Variants in LRP1B observed in about 807,000 individuals in gnomAD.
LRP1B encodes the protein low-density lipoprotein receptor-related protein 1B.
A neutral mutation model predicts 556.6 loss-of-function variants in LRP1B; 217 were observed. The observed-to-expected ratio is 0.39, with a 90% CI of 0.35 to 0.44. The LOEUF (loss-of-function observed/expected upper bound fraction) is 0.44. Among genes scored for constraint, LRP1B ranks in the 20% least tolerant of loss-of-function variants. The pLI is 1.00. For synonymous variants in LRP1B, 2,047 were observed against 1,865.8 expected (o/e 1.10, Z -2.50); for missense variants, 5,053 against 5,620.8 (o/e 0.90, Z 3.23).
chr2:141,130,226 A>G (rs1574105154), intron 7 of LRP1B, among the ~76,000 whole-genome samples: 2 of 151,956 alleles, frequency 1.3e-5, no homozygotes, highest in Middle Eastern at 3.4e-3. Context: ...CATAACACAT[A>G]TAACAAATAG....
chr2:140,533,536 ACT>A (rs1690814235), intron 47 of LRP1B, among the ~76,000 whole-genome samples: 1 of 152,066 alleles, frequency 6.6e-6, no homozygotes, highest in East Asian at 1.9e-4. Context: ...GTAAAGGCAT[ACT>A]CTGTTAGCCC....
intron 31 of LRP1B, among the ~76,000 whole-genome samples, chr2:140,820,030 C>T (rs1438939739): frequency 2.0e-5 from 3 of 152,158 alleles, no homozygotes; most frequent in Non-Finnish European, 2.9e-5. Flanking sequence ...GACAGAGTCT[C>T]GCTCTGTCGC....
intron 41 of LRP1B, among the ~76,000 whole-genome samples, chr2:140,669,282 G>C (rs1226421752): frequency 6.6e-6 from 1 of 152,044 alleles, no homozygotes; most frequent in Admixed American, 6.6e-5. Context: ...AAACCAAAAA[G>C]TGTTATTATT....
At chr2:141,663,854 T>C (rs901984150) in intron 2 of LRP1B, among the ~76,000 whole-genome samples, 2 of 150,732 alleles carry the variant, frequency 1.3e-5, no homozygotes, top group African/African-American at 4.9e-5. Flanking sequence ...AATAATGAAA[T>C]TAAGACAGAT....
intron 15 of LRP1B, among the ~76,000 whole-genome samples, chr2:140,994,842 A>C (rs1167459543): frequency 6.6e-6 from 1 of 152,098 alleles, no homozygotes; most frequent in Non-Finnish European, 1.5e-5. Flanking sequence ...CTACAATAAC[A>C]AAATGTTGTC....
chr2:141,333,013 T>C (rs1359706320), intron 3 of LRP1B, among the ~76,000 whole-genome samples: 2 of 152,064 alleles, frequency 1.3e-5, no homozygotes, highest in African/African-American at 4.8e-5. Flanking sequence ...TCTTCACTTT[T>C]TTAAAATCTT....
intron 3 of LRP1B, among the ~76,000 whole-genome samples, chr2:141,386,476 G>A (rs1361820546): frequency 2.0e-5 from 3 of 151,994 alleles, no homozygotes; most frequent in South Asian, 4.1e-4. Flanking sequence ...CCATAGAAGA[G>A]TCACTTTATA....
intron 84 of LRP1B, among the ~76,000 whole-genome samples, chr2:140,284,004 G>A (rs527328123): frequency 1.3e-5 from 2 of 151,620 alleles, no homozygotes; most frequent in African/African-American, 4.8e-5. Flanking sequence ...AGCATATGAA[G>A]GCCTGAAAAA....
intron 3 of LRP1B, among the ~76,000 whole-genome samples, chr2:141,425,633 C>A (rs1369010832): frequency 3.3e-5 from 5 of 149,864 alleles, no homozygotes; most frequent in African/African-American, 4.9e-5. Context: ...GAGATGGTAT[C>A]TCACTGTGGT....
At chr2:142,024,620 G>GTTTTTTTTTTTTTT (rs3041443) in intron 1 of LRP1B, among the ~76,000 whole-genome samples, 5 of 131,026 alleles carry the variant, frequency 3.8e-5, no homozygotes, top group African/African-American at 8.6e-5. Flanking sequence ...CAGCTGAAAT[G>GTTTTTTTTTTTTTT]TTTTTTTTTT....
intron 1 of LRP1B, among the ~76,000 whole-genome samples, chr2:141,888,969 A>C (rs1321265007): frequency 2.6e-5 from 4 of 152,168 alleles, no homozygotes; most frequent in Non-Finnish European, 1.5e-5. Flanking sequence ...GAAATTTAAA[A>C]ATTTATAATA....
intron 1 of LRP1B, among the ~76,000 whole-genome samples, chr2:142,122,342 G>A (rs1159341795): frequency 6.6e-6 from 1 of 152,082 alleles, no homozygotes; most frequent in Non-Finnish European, 1.5e-5. Context: ...CTAGGAGAAG[G>A]AACTGTAGAA....
intron 41 of LRP1B, among the ~76,000 whole-genome samples, chr2:140,689,564 A>T (rs1002924693): frequency 2.0e-5 from 3 of 152,182 alleles, no homozygotes; most frequent in Non-Finnish European, 4.4e-5. Flanking sequence ...AAGAATTAGG[A>T]ACCTCAGTAT....
chr2:141,512,252 G>A (rs1182923682), intron 2 of LRP1B, among the ~76,000 whole-genome samples: 1 of 152,076 alleles, frequency 6.6e-6, no homozygotes, highest in Non-Finnish European at 1.5e-5. Flanking sequence ...ACAGTTCGGG[G>A]GAGGTGAGTA....
chr2:140,409,677 ATCT>A (rs200369733), intron 66 of LRP1B, among the ~76,000 whole-genome samples: 3,097 of 152,146 alleles, frequency 0.02, 36 homozygotes, highest in African/African-American at 0.028. Context: ...GATTCATGTA[ATCT>A]TCTCAGCAAT....
Position 141,178,809 on chromosome 2 carries a change from T to G in LRP1B, c.1013+9612A>C, listed in dbSNP as rs142476286. Among the ~76,000 whole-genome samples, 186 of 151,648 alleles carry G rather than the reference T, an allele frequency of 1.2e-3. 2 individuals carry two copies. The highest frequency in any genetic ancestry group is 3.9e-3 in the African/African-American group (161 of 41,414). On this transcript the variant is annotated intron_variant, in intron 7 of 90. Coordinates refer to ENST00000389484, the MANE Select transcript of LRP1B (RefSeq NM_018557.3). ...CAGAGTATTCCAAGGCCCTATGAGA[T>G]TCTACAGCTATAAAATGAAAGGAAC...
chr2:141,170,319 G>T (rs1680448423), intron 7 of LRP1B, among the ~76,000 whole-genome samples: 1 of 152,018 alleles, frequency 6.6e-6, no homozygotes, highest in Non-Finnish European at 1.5e-5. Context: ...TTCTGGTCTT[G>T]TTGCTAGCAA....
chr2:140,558,790 G>T (rs751237992), intron 43 of LRP1B, among the ~76,000 whole-genome samples: 4 of 151,620 alleles, frequency 2.6e-5, no homozygotes, highest in Non-Finnish European at 4.4e-5. Flanking sequence ...CAAAAAAAAA[G>T]CTGGGTGTGG....
rs1682546116 is a variant in LRP1B at position 140,362,192 on chromosome 2, A to AT, written c.11131+2468dup. Among the ~76,000 whole-genome samples, 3 of 151,704 alleles carry AT rather than the reference A, an allele frequency of 2.0e-5. No individual in the cohort carries two copies. In the South Asian group the frequency reaches 6.2e-4, roughly 31 times the overall value. ...AACCACTATTAATCCTTTCTATCCC[A>AT]TATTTGTAAACTTTAAATATGACCA... is the stretch of plus-strand genomic sequence containing the variant. On this transcript the variant is annotated intron_variant, in intron 72 of 90. Coordinates refer to ENST00000389484, the MANE Select transcript of LRP1B (RefSeq NM_018557.3).
Sources: gnomAD v4.1 joint callset for allele counts (sites outside exome capture counted in the v4.1 genomes callset) on GRCh38, gnomAD v4.1.1 for gene constraint, MANE v1.5 for transcripts, NCBI Gene and HGNC (gene_info 2026-07-23, HGNC 2026-07-21) for gene names.